Variants in AAK1 observed in about 807,000 individuals in gnomAD.
AAK1 encodes the protein AP2 associated kinase 1.
Under a neutral mutation model 116.0 loss-of-function variants are expected in AAK1, and 37 were observed. That is an observed-to-expected ratio of 0.32 (90% CI 0.25 to 0.42). AAK1 has a LOEUF of 0.42. Ranked by LOEUF, AAK1 falls within the 10% of genes least tolerant of loss-of-function variation. The probability of loss-of-function intolerance (pLI) is 1.00; values close to 1 mark genes in which losing one functional copy is unlikely to be tolerated. For synonymous variants in AAK1, 458 were observed against 439.9 expected, an observed-to-expected ratio of 1.04 and a Z score of -0.51; for missense variants, 919 against 1,170.6, an observed-to-expected ratio of 0.79 and a Z score of 3.14.
In AAK1 at chr2:69,475,000, T is replaced by G. The variant is rs1306457689; in HGVS notation, c.*869A>C. ...CCACCCCCGCCCCAGTGAAAAGTCT[T>G]CTAATAAAAGGTATCATATTACCAC... On this transcript the variant is annotated 3_prime_UTR_variant, in exon 22 of 22. Transcript: ENST00000409085. The G allele has an allele frequency of 2.2e-6, 2 of 894,658 alleles. No homozygotes were observed. Among genetic ancestry groups the G allele is most frequent in the African/African-American group, 4.5e-5 (2 of 44,068 alleles). 55.4% of individuals were successfully genotyped at this position (894,658 alleles called of 1,614,324 possible). A position where few individuals can be genotyped will look rare whatever the true frequency, so the allele number is the denominator to read the frequency against.
chr2:69,635,194 A>G (rs192968878), intron 2 of AAK1, among the ~76,000 whole-genome samples: 3 of 152,364 alleles, frequency 2.0e-5, no homozygotes, highest in Admixed American at 6.5e-5. Flanking sequence ...ACACATAACA[A>G]GATGCGTGAC....
At chr2:69,477,917 C>A (rs909761649) in intron 20 of AAK1, among the ~76,000 whole-genome samples, 1 of 152,196 alleles carries the variant, frequency 6.6e-6, no homozygotes, top group Non-Finnish European at 1.5e-5. Context: ...AGACTACTTT[C>A]ACTACCCAAT....
In AAK1 at chr2:69,474,198, A is replaced by G. The variant is rs1055175007; in HGVS notation, c.*1671T>C. 2.0e-6 allele frequency: 2 copies of G among 985,724 alleles called. No homozygotes were observed. Among genetic ancestry groups the G allele is most frequent in the African/African-American group, 3.5e-5 (2 of 57,222 alleles). The allele number at this position is 985,724 out of a possible 1,614,324, so 61.1% of individuals were successfully genotyped here. A position where few individuals can be genotyped will look rare whatever the true frequency, so the allele number is the denominator to read the frequency against. ...TTGCTGTTAAACTTTTTTCCCCCAT[A>G]AAGTGCAAATGTGAGGAAGAAGAAA... On this transcript the variant is annotated 3_prime_UTR_variant, in exon 22 of 22. Coordinates refer to ENST00000409085, the MANE Select transcript of AAK1 (RefSeq NM_014911.5).
intron 2 of AAK1, among the ~76,000 whole-genome samples, chr2:69,624,270 TA>T (rs892656212): frequency 5.0e-4 from 76 of 152,104 alleles, no homozygotes; most frequent in African/African-American, 1.7e-3. Flanking sequence ...CTCAAAGGCT[TA>T]AAAAAAATTC....
chr2:69,610,263 A>T lies in AAK1; in HGVS notation c.163+32615T>A, dbSNP rs1674021004. Among the ~76,000 whole-genome samples, 3 of 152,148 alleles carry T rather than the reference A, an allele frequency of 2.0e-5. No individual in the cohort carries two copies. The South Asian group carries it at 6.2e-4, about 32-fold the overall frequency. The stretch of plus-strand genomic sequence containing the variant: ...CAAGACCATTCAAGGGGGAAAGGAT[A>T]ACCTCTTCAACAAATGGAACTGGGA... On this transcript the variant is annotated intron_variant, in intron 2 of 21. Transcript: ENST00000409085.
At chr2:69,592,038 G>T (rs138544690) in intron 2 of AAK1, among the ~76,000 whole-genome samples, 17 of 152,244 alleles carry the variant, frequency 1.1e-4, no homozygotes, top group Non-Finnish European at 1.9e-4. Context: ...GTCAATAAGA[G>T]CAAATGAGGA....
Position 69,465,285 on chromosome 2 carries a change from C to CTCA in AAK1, c.*10581_*10583dup. ...ATATCACTGCAACTGAGTTTGTTGA[C>CTCA]TCAAGAAATTCTGCTCTGACGCAGG... On this transcript the variant is annotated 3_prime_UTR_variant, in exon 22 of 22. Transcript: ENST00000409085. The CTCA allele has an allele frequency of 4.1e-6, 3 of 739,386 alleles. No individual in the cohort carries two copies. Among genetic ancestry groups the CTCA allele is most frequent in the Non-Finnish European group, 1.9e-6 (1 of 535,082 alleles). The allele number at this position is 739,386 out of a possible 1,614,324, so 45.8% of individuals were successfully genotyped here.
At chr2:69,496,259 A>T (rs189795981) in intron 16 of AAK1, among the ~76,000 whole-genome samples, 179 bp from the exon 17 acceptor site, 2 of 148,024 alleles carry the variant, frequency 1.4e-5, no homozygotes, top group Admixed American at 1.3e-4. Flanking sequence ...TCTATGAGAT[A>T]CTCAATCTGG....
chr2:69,505,756 T>G, intron 15 of AAK1, 83 bp from the exon 16 acceptor site: 2 of 1,016,322 alleles, frequency 2.0e-6, no homozygotes, highest in Non-Finnish European at 3.0e-6. Flanking sequence ...GGGCATTCTC[T>G]GAACTGACTT....
At chr2:69,483,094 TAA>T (rs1289074188) in intron 17 of AAK1, among the ~76,000 whole-genome samples, 2 of 152,168 alleles carry the variant, frequency 1.3e-5, no homozygotes, top group Non-Finnish European at 2.9e-5. Flanking sequence ...TTGCATACAA[TAA>T]AAGTCGCCCA....
At chr2:69,568,425 CTTTT>C (rs61271799) in intron 2 of AAK1, among the ~76,000 whole-genome samples, 3 of 122,200 alleles carry the variant, frequency 2.5e-5, no homozygotes, top group East Asian at 2.4e-4. Flanking sequence ...ATGTTTTCAA[CTTTT>C]TTTTTTTTTT....
chr2:69,518,425 T>G lies in AAK1; in HGVS notation c.1497+529A>C, dbSNP rs921402687. ...AAAAAAAAATAGTTTTTTTTTTTTT[T>G]TTTTTTTTTTTGAGACAGAGTCTTG... On this transcript the variant is annotated intron_variant, in intron 12 of 21. Transcript: ENST00000409085. Among the ~76,000 whole-genome samples, 7 of 150,712 alleles carry G rather than the reference T, an allele frequency of 4.6e-5. 1 individual carries two copies. Among genetic ancestry groups the G allele is most frequent in the African/African-American group, 9.7e-5 (4 of 41,226 alleles).
intron 3 of AAK1, among the ~76,000 whole-genome samples, chr2:69,548,438 TTTG>T (rs1463730970): frequency 6.6e-6 from 1 of 152,144 alleles, no homozygotes; most frequent in Non-Finnish European, 1.5e-5. Flanking sequence ...TTTCGTTTTC[TTTG>T]TTTTTTCTAT....
intron 17 of AAK1, among the ~76,000 whole-genome samples, chr2:69,492,438 G>A (rs1280751428): frequency 6.6e-6 from 1 of 150,812 alleles, no homozygotes. Context: ...GGCCTCGAAC[G>A]CCTGACCTCA....
intron 9 of AAK1, 145 bp downstream of exon 9, chr2:69,527,071 T>C: frequency 1.6e-6 from 1 of 610,254 alleles, no homozygotes; most frequent in Non-Finnish European, 3.0e-6. Context: ...TTATGGCAAC[T>C]GCTTCACAGT....
chr2:69,630,343 G>GGGGGGA, intron 2 of AAK1, among the ~76,000 whole-genome samples: 1 of 135,708 alleles, frequency 7.4e-6, no homozygotes, highest in African/African-American at 2.6e-5. Context: ...CGGGGGGTGG[G>GGGGGGA]GGGGGAGGGG....
At chr2:69,640,049 A>ACTCTCTCTCTCTCTCTCT (rs1158229745) in intron 2 of AAK1, among the ~76,000 whole-genome samples, 4 of 115,100 alleles carry the variant, frequency 3.5e-5, no homozygotes, top group East Asian at 5.0e-4. Context: ...ACACACACAC[A>ACTCTCTCTCTCTCTCTCT]CACACTCTCT....
rs775833631 is a variant in AAK1 at position 69,474,606 on chromosome 2, A to C, written c.*1263T>G. 19 of 985,520 alleles carry C rather than the reference A, an allele frequency of 1.9e-5. No homozygotes were observed. The highest frequency in any genetic ancestry group is 2.3e-5 in the Non-Finnish European group (19 of 829,916). 61.0% of individuals were successfully genotyped at this position (985,520 alleles called of 1,614,324 possible). A position where few individuals can be genotyped will look rare whatever the true frequency, so the allele number is the denominator to read the frequency against. ...TTCCATTGGCTGCAGCCTTCAATTTAAACATCAGAAAGAAAGGTAAGCTGG... is the reference window on the plus strand; with the variant it reads ...TTCCATTGGCTGCAGCCTTCAATTTCAACATCAGAAAGAAAGGTAAGCTGG... On this transcript the variant is annotated 3_prime_UTR_variant, in exon 22 of 22. Coordinates refer to ENST00000409085, the MANE Select transcript of AAK1 (RefSeq NM_014911.5).
In AAK1 at chr2:69,475,750, G is replaced by A; in HGVS notation, c.*119C>T. The A allele has an allele frequency of 6.8e-7, 1 of 1,471,346 alleles. No individual in the cohort carries two copies. The highest frequency in any genetic ancestry group is 9.0e-7 in the Non-Finnish European group (1 of 1,106,928). 91.1% of individuals were successfully genotyped at this position (1,471,346 alleles called of 1,614,324 possible). A position where few individuals can be genotyped will look rare whatever the true frequency, so the allele number is the denominator to read the frequency against. ...GAGAAGGCAAGGGGTAGGAGAAAAG[G>A]GCTGGAGGGCCCCTTATTTGCAGAT... On this transcript the variant is annotated 3_prime_UTR_variant, in exon 22 of 22. Transcript: ENST00000409085.
Sources: allele counts gnomAD v4.1 joint callset (sites outside exome capture counted in the v4.1 genomes callset), GRCh38; gene constraint gnomAD v4.1.1; transcripts MANE v1.5; gene names NCBI Gene and HGNC (gene_info 2026-07-23, HGNC 2026-07-21).